OLFML2B: variants seen among roughly 807,000 people sequenced by gnomAD.
OLFML2B encodes olfactomedin like 2B, also known as olfactomedin-like protein 2B.
A neutral mutation model predicts 74.9 loss-of-function variants in OLFML2B; 57 were observed. The ratio of observed to expected loss-of-function variants is 0.76; its 90% CI spans 0.61 to 0.95. The LOEUF (loss-of-function observed/expected upper bound fraction) is 0.95, where lower values mean the gene tolerates loss of function less well. OLFML2B is among the 40% of genes least tolerant of loss of function. The pLI, the probability that OLFML2B is intolerant of heterozygous loss-of-function variation, is 0.00. For synonymous variants in OLFML2B, 388 were observed against 405.8 expected (o/e 0.96, Z 0.53); for missense variants, 986 against 970.6 (o/e 1.02, Z -0.21).
intron 4 of OLFML2B, among the ~76,000 whole-genome samples, chr1:162,005,651 G>A (rs978910342): frequency 3.9e-5 from 6 of 152,132 alleles, no homozygotes; most frequent in Non-Finnish European, 2.9e-5. Context: ...CAGTGATTTG[G>A]GAGGCTGACG....
At chr1:162,017,536 G>C in intron 2 of OLFML2B, 29 bp from the exon 3 acceptor site, 1 of 1,539,566 alleles carries the variant, frequency 6.5e-7, no homozygotes, top group Non-Finnish European at 8.9e-7. Flanking sequence ...GGTTAGTCCA[G>C]GGCTGGGGCA....
chr1:162,004,020 T>C (rs1241900219), intron 4 of OLFML2B, among the ~76,000 whole-genome samples: 1 of 152,196 alleles, frequency 6.6e-6, no homozygotes, highest in Admixed American at 6.5e-5. Flanking sequence ...TTGGTGTTTT[T>C]TATTTGGTTT....
At chr1:162,022,192 G>C (rs1248074576) in intron 1 of OLFML2B, among the ~76,000 whole-genome samples, 1 of 150,818 alleles carries the variant, frequency 6.6e-6, no homozygotes, top group African/African-American at 2.4e-5. Context: ...TTACAGACAT[G>C]AGATCTGGGC....
chr1:161,999,813 C>T (rs1212644993), intron 5 of OLFML2B, among the ~76,000 whole-genome samples: 1 of 152,194 alleles, frequency 6.6e-6, no homozygotes, highest in Non-Finnish European at 1.5e-5. Context: ...CTCCCCAAAC[C>T]TCAGTTTTCT....
chr1:161,997,379 T>C (rs528490943), intron 6 of OLFML2B, among the ~76,000 whole-genome samples: 11 of 152,298 alleles, frequency 7.2e-5, no homozygotes, highest in African/African-American at 2.6e-4. Flanking sequence ...CGGAGGCCCA[T>C]TGCCCCAGCT....
At chr1:162,003,182 G>A (rs535423276) in intron 4 of OLFML2B, among the ~76,000 whole-genome samples, 4 of 152,120 alleles carry the variant, frequency 2.6e-5, no homozygotes, top group Admixed American at 2.0e-4. Context: ...CCAAAAACTC[G>A]CCTGCCTGCC....
chr1:162,022,260 T>TTTTTTTTTC lies in OLFML2B; in HGVS notation c.174+996_174+997insGAAAAAAAA, dbSNP rs1460566719. On this transcript the variant is annotated intron_variant, in intron 1 of 7. Coordinates refer to ENST00000294794, the MANE Select transcript of OLFML2B (RefSeq NM_015441.3). ...GTATCTCTTCTTTTTTTTTTTTTTT[T>TTTTTTTTTC]TTTTTTTTGAGACGGAGTCTCACTC... is the stretch of plus-strand genomic sequence containing the variant. 1.4e-4 allele frequency among the ~76,000 whole-genome samples: 18 copies of TTTTTTTTTC among 127,888 alleles called. 1 individual carries two copies. The East Asian group carries it at 2.3e-3, about 16-fold the overall frequency. The allele number at this position is 127,888 out of a possible 152,430, so 83.9% of individuals were successfully genotyped here.
intron 3 of OLFML2B, among the ~76,000 whole-genome samples, chr1:162,008,188 A>C (rs1482567519): frequency 6.6e-6 from 1 of 152,198 alleles, no homozygotes; most frequent in East Asian, 1.9e-4. Context: ...AGTGGGGATA[A>C]TACTAGCACT....
At chr1:161,989,901 C>T (rs1032944340) in intron 6 of OLFML2B, among the ~76,000 whole-genome samples, 2 of 152,174 alleles carry the variant, frequency 1.3e-5, no homozygotes, top group Non-Finnish European at 2.9e-5. Context: ...ACATTTGAAC[C>T]AGATCGTGCT....
Position 161,984,071 on chromosome 1 carries a change from G to C in OLFML2B, c.1857C>G (p.Asp619Glu). Residue 619 changes from aspartate to glutamate, a missense_variant, in exon 8 of 8, where the codon GAC (aspartate) becomes GAG (glutamate). Asp to Glu is a conservative substitution (Grantham distance 45, BLOSUM62 2). Transcript: ENST00000294794. ...ATPWRWQGHS[D>E]VDFAVDENGL... ...CATTCTCGTCCACAGCAAAGTCCAC[G>C]TCTGAGTGGCCCTGCCATCGCCAGG... is the stretch of plus-strand genomic sequence containing the variant. The C allele has an allele frequency of 6.2e-7, 1 of 1,613,926 alleles. No homozygotes were observed.
rs776626914 is a variant in OLFML2B at position 161,983,704 on chromosome 1, C to G, written c.2224G>C (p.Val742Leu). Residue 742 changes from valine (V) to leucine (L), a missense_variant, in exon 8 of 8, where the codon GTC (valine) becomes CTC (leucine). Physicochemically the swap from Val to Leu is conservative, Grantham distance 32. Transcript: ENST00000294794. ...LLYAWDNGHQ[V>L]TYHVIFAY Reference sequence around the variant, plus strand: ...TAGGCAAAGATGACATGGTAAGTGACCTGGTGGCCATTGTCCCAGGCATAG... The same window carrying G: ...TAGGCAAAGATGACATGGTAAGTGAGCTGGTGGCCATTGTCCCAGGCATAG... The G allele has an allele frequency of 1.2e-6, 2 of 1,611,718 alleles. No individual in the cohort carries two copies. Among genetic ancestry groups the G allele is most frequent in the Admixed American group, 3.3e-5 (2 of 59,960 alleles).
Position 161,983,903 on chromosome 1 carries a change from G to A in OLFML2B, c.2025C>T (p.Asn675=). The A allele has an allele frequency of 6.2e-7, 1 of 1,614,230 alleles. No individual in the cohort carries two copies. Among genetic ancestry groups the A allele is most frequent in the Non-Finnish European group, 8.5e-7 (1 of 1,180,046 alleles). The change falls in exon 8 of 8, where the codon AAC becomes AAT. Residue 675 remains asparagine (N), a synonymous_variant. Coordinates refer to ENST00000294794, the MANE Select transcript of OLFML2B (RefSeq NM_015441.3). The part of the protein sequence containing the change: ...RTGLRRNFYG[N]CFVICGVLYA... ...ACAGCACCCCACAGATGACGAAGCA[G>A]TTGCCGTAGAAATTCCTCCGGAGCC... is the stretch of plus-strand genomic sequence containing the variant.
intron 3 of OLFML2B, among the ~76,000 whole-genome samples, chr1:162,013,277 G>A (rs573476077): frequency 8.5e-4 from 129 of 152,224 alleles, no homozygotes; most frequent in Non-Finnish European, 1.7e-3. Context: ...TCACAGGAAG[G>A]AGAGGTCAGC....
In OLFML2B at chr1:162,023,622, G is replaced by A; in HGVS notation, c.-192C>T. 1 of 459,320 alleles carries A rather than the reference G, an allele frequency of 2.2e-6. No homozygotes were observed. Among genetic ancestry groups the A allele is most frequent in the South Asian group, 4.8e-5 (1 of 20,802 alleles). 28.5% of individuals were successfully genotyped at this position (459,320 alleles called of 1,614,324 possible). A position where few individuals can be genotyped will look rare whatever the true frequency, so the allele number is the denominator to read the frequency against. ...AGACTCTGGGCATCTCCTTCCCGAC[G>A]CGAGCAGCCCTCGACTGTGCAGCCC... is the stretch of plus-strand genomic sequence containing the variant. On this transcript the variant is annotated 5_prime_UTR_variant, in exon 1 of 8. Coordinates refer to ENST00000294794, the MANE Select transcript of OLFML2B (RefSeq NM_015441.3).
chr1:162,001,929 T>C (rs1162666519), intron 4 of OLFML2B, among the ~76,000 whole-genome samples: 2 of 152,240 alleles, frequency 1.3e-5, no homozygotes, highest in African/African-American at 4.8e-5. Flanking sequence ...ACTGGGCATC[T>C]GGATGGCGCT....
intron 6 of OLFML2B, among the ~76,000 whole-genome samples, chr1:161,991,376 C>T (rs1689738695): frequency 6.6e-6 from 1 of 152,236 alleles, no homozygotes; most frequent in Admixed American, 6.5e-5. Flanking sequence ...CATTCATCTC[C>T]TTGCACATCT....
chr1:162,021,368 C>T (rs540242396), intron 1 of OLFML2B, among the ~76,000 whole-genome samples: 6 of 152,202 alleles, frequency 3.9e-5, no homozygotes, highest in East Asian at 1.9e-4. Flanking sequence ...CAGGAAAACA[C>T]GCGACAGTAG....
At chr1:161,985,439 G>A (rs1689567079) in intron 6 of OLFML2B, among the ~76,000 whole-genome samples, 1 of 152,220 alleles carries the variant, frequency 6.6e-6, no homozygotes, top group African/African-American at 2.4e-5. Context: ...CGGAGCGTAA[G>A]CACCAAGGGA....
chr1:161,992,417 G>A (rs980947993), intron 6 of OLFML2B, among the ~76,000 whole-genome samples: 2 of 152,228 alleles, frequency 1.3e-5, no homozygotes, highest in Admixed American at 1.3e-4. Context: ...TCATTCATGT[G>A]TTTACTGGAG....
Sources: allele counts gnomAD v4.1 joint callset (sites outside exome capture counted in the v4.1 genomes callset), GRCh38; gene constraint gnomAD v4.1.1; transcripts MANE v1.5; gene names NCBI Gene and HGNC (gene_info 2026-07-23, HGNC 2026-07-21).